PHLPP1: variants seen among roughly 807,000 people sequenced by gnomAD.
PHLPP1 encodes PH domain leucine-rich repeat-containing protein phosphatase 1.
In PHLPP1, 42 loss-of-function variants were observed where a neutral mutation model predicts 117.2. That is an observed-to-expected ratio of 0.36 (90% CI 0.28 to 0.46). The LOEUF (loss-of-function observed/expected upper bound fraction) is 0.46, where lower values mean the gene tolerates loss of function less well. PHLPP1 is among the 20% of genes least tolerant of loss of function. The probability of loss-of-function intolerance (pLI) is 1.00; values close to 1 mark genes in which losing one functional copy is unlikely to be tolerated. For missense variants in PHLPP1, 2,084 were observed against 2,241.9 expected, an observed-to-expected ratio of 0.93 and a Z score of 1.42; for synonymous variants, 1,042 against 970.7, an observed-to-expected ratio of 1.07 and a Z score of -1.37.
chr18:62,895,735 TA>T, intron 5 of PHLPP1, 45 bp from the exon 6 acceptor site: 2 of 1,177,898 alleles, frequency 1.7e-6, no homozygotes, highest in Middle Eastern at 2.0e-4. Context: ...AATAAAGATG[TA>T]AAATTTATAT....
chr18:62,897,078 C>T (rs1484187470), intron 6 of PHLPP1, among the ~76,000 whole-genome samples: 2 of 152,198 alleles, frequency 1.3e-5, no homozygotes, highest in African/African-American at 4.8e-5. Context: ...AGAAAACCCT[C>T]ATATTCCAGA....
chr18:62,975,725 C>A, intron 16 of PHLPP1, 100 bp downstream of exon 16: 1 of 745,382 alleles, frequency 1.3e-6, no homozygotes, highest in Non-Finnish European at 2.3e-6. Flanking sequence ...TCAAAGAACA[C>A]TTTTGAAGTT....
At chr18:62,934,273 T>C (rs1425479487) in intron 10 of PHLPP1, among the ~76,000 whole-genome samples, 1 of 152,146 alleles carries the variant, frequency 6.6e-6, no homozygotes, top group African/African-American at 2.4e-5. Context: ...CCTGCACTCA[T>C]ATGTTTATTG....
rs79067482 is a variant in PHLPP1, at chr18:62,830,051, G to A, written c.1593G>A (p.Thr531=). 1.6e-3 allele frequency: 2,525 copies of A among 1,609,948 alleles called. 34 individuals are homozygous for A. In the African/African-American group the frequency reaches 0.029, roughly 18 times the overall value. The change falls in exon 2 of 17, where the codon ACG becomes ACA. Residue 531 remains threonine (T), a synonymous_variant. Coordinates refer to ENST00000262719, the MANE Select transcript of PHLPP1 (RefSeq NM_194449.4). Reference sequence around the variant, plus strand: ...TTATTTCAGGAAAACCTCACAGCACGGGTAGCTCTGAACGGATTCAGCTCT... The same window carrying A: ...TTATTTCAGGAAAACCTCACAGCACAGGTAGCTCTGAACGGATTCAGCTCT... ...IRFYAGKPHS[T]GSSERIQLSG...
intron 4 of PHLPP1, among the ~76,000 whole-genome samples, chr18:62,890,653 G>A (rs1429902928): frequency 6.6e-6 from 1 of 152,130 alleles, no homozygotes; most frequent in Admixed American, 6.5e-5. Flanking sequence ...TATCATCCTA[G>A]TAAATTTGTT....
At chr18:62,950,164 A>T (rs1220849530) in intron 12 of PHLPP1, among the ~76,000 whole-genome samples, 1 of 152,188 alleles carries the variant, frequency 6.6e-6, no homozygotes, top group Non-Finnish European at 1.5e-5. Context: ...TGGCTTACTG[A>T]TTCTAAGAAC....
chr18:62,864,351 T>A (rs1915715910), intron 4 of PHLPP1, among the ~76,000 whole-genome samples: 1 of 152,136 alleles, frequency 6.6e-6, no homozygotes, highest in Non-Finnish European at 1.5e-5. Flanking sequence ...AGATCTTTAA[T>A]CCTAAGGGTT....
In PHLPP1 at chr18:62,895,092, G is replaced by C. The variant is rs769339698; in HGVS notation, c.2148G>C (p.Leu716=). The change falls in exon 5 of 17, where the codon CTG becomes CTC. Residue 716 remains leucine, a synonymous_variant. Coordinates refer to ENST00000262719, the MANE Select transcript of PHLPP1 (RefSeq NM_194449.4). ...TGGCAGTCTGCAGTATTCCAACCCT[G>C]GCAGAGCTGAACGTGTCCTGCAATG... ...FPLAVCSIPT[L]AELNVSCNAL... 2 of 1,613,872 alleles carry C rather than the reference G, an allele frequency of 1.2e-6. No homozygotes were observed. The highest frequency in any genetic ancestry group is 3.3e-5 in the Admixed American group (2 of 60,006).
At chr18:62,849,384 G>C (rs1005281844) in intron 3 of PHLPP1, among the ~76,000 whole-genome samples, 4 of 152,134 alleles carry the variant, frequency 2.6e-5, no homozygotes, top group African/African-American at 7.2e-5. Context: ...CAGGCGGCCA[G>C]ACACGGTGGC....
intron 3 of PHLPP1, chr18:62,839,190 G>A: frequency 3.3e-6 from 1 of 300,272 alleles, no homozygotes; most frequent in Non-Finnish European, 6.2e-6. Flanking sequence ...CATGAGATTG[G>A]GAATATTTGA....
chr18:62,871,667 T>TA (rs1555678787), intron 4 of PHLPP1, among the ~76,000 whole-genome samples: 7 of 145,320 alleles, frequency 4.8e-5, no homozygotes, highest in Admixed American at 6.9e-5. Flanking sequence ...TTTTTTTTTT[T>TA]ACAGTCTTGG....
intron 1 of PHLPP1, among the ~76,000 whole-genome samples, chr18:62,774,249 C>T (rs952812071): frequency 1.3e-5 from 2 of 152,070 alleles, no homozygotes; most frequent in Non-Finnish European, 2.9e-5. Flanking sequence ...TGATACTGTT[C>T]ACTGCAGCTG....
At chr18:62,768,799 A>G (rs1004189700) in intron 1 of PHLPP1, among the ~76,000 whole-genome samples, 9 of 152,346 alleles carry the variant, frequency 5.9e-5, no homozygotes, top group African/African-American at 2.2e-4. Flanking sequence ...GGAAAAAAAG[A>G]CTAGAGAGAG....
intron 1 of PHLPP1, among the ~76,000 whole-genome samples, chr18:62,720,986 G>T (rs2122045539): frequency 6.6e-6 from 1 of 152,292 alleles, no homozygotes; most frequent in Admixed American, 6.5e-5. Context: ...GGAGGGCGGA[G>T]AATAGAGAGC....
At chr18:62,880,565 T>C (rs531876659) in intron 4 of PHLPP1, among the ~76,000 whole-genome samples, 1 of 152,222 alleles carries the variant, frequency 6.6e-6, no homozygotes, top group South Asian at 2.1e-4. Flanking sequence ...CGGTTAATAT[T>C]AAACATCTCT....
chr18:62,791,876 C>A (rs996737798), intron 1 of PHLPP1, among the ~76,000 whole-genome samples: 1 of 151,924 alleles, frequency 6.6e-6, no homozygotes, highest in Admixed American at 6.6e-5. Context: ...GGAAAGCAAC[C>A]TTAGGTAAAT....
At chr18:62,766,104 A>ATATATATATATATATAG (rs1289379653) in intron 1 of PHLPP1, among the ~76,000 whole-genome samples, 1 of 40,978 alleles carries the variant, frequency 2.4e-5, no homozygotes, top group East Asian at 1.1e-3. Context: ...TATATATATA[A>ATATATATATATATATAG]AATATATATA....
At chr18:62,821,549 C>CAAAAA (rs1914456217) in intron 1 of PHLPP1, among the ~76,000 whole-genome samples, 1 of 129,864 alleles carries the variant, frequency 7.7e-6, no homozygotes, top group Non-Finnish European at 1.6e-5. Context: ...ACCCTTTATC[C>CAAAAA]AAAAAAAAAA....
At chr18:62,858,853 T>C (rs563127643) in intron 3 of PHLPP1, among the ~76,000 whole-genome samples, 2 of 152,298 alleles carry the variant, frequency 1.3e-5, no homozygotes, top group South Asian at 4.2e-4. Flanking sequence ...GTAGTACTAG[T>C]AATAGTAATA....
Sources: gnomAD v4.1 joint callset for allele counts (sites outside exome capture counted in the v4.1 genomes callset) on GRCh38, gnomAD v4.1.1 for gene constraint, MANE v1.5 for transcripts, NCBI Gene and HGNC (gene_info 2026-07-23, HGNC 2026-07-21) for gene names.